RBFOX1: variants seen among roughly 807,000 people sequenced by gnomAD.
RBFOX1 encodes RNA binding protein fox-1 homolog 1.
Under a neutral mutation model 57.7 loss-of-function variants are expected in RBFOX1, and 8 were observed. The ratio of observed to expected loss-of-function variants is 0.14; its 90% CI spans 0.08 to 0.25. The LOEUF is 0.25. RBFOX1 is among the 10% of genes least tolerant of loss of function. The probability of loss-of-function intolerance (pLI) is 1.00; values close to 1 mark genes in which losing one functional copy is unlikely to be tolerated. For missense variants in RBFOX1, 611 were observed against 548.5 expected (o/e 1.11, Z -1.14); for synonymous variants, 326 against 222.4 (o/e 1.47, Z -4.15).
rs1244594805 is a variant in RBFOX1 at position 6,281,311 on chromosome 16, G to A, written c.-126-35684G>A. ...GCACTGTTATTGATCCCATTTTTCA[G>A]AGGAGGAAGATGCATCTCAGAGAGA... On this transcript the variant is annotated intron_variant, in intron 1 of 15. Coordinates refer to ENST00000550418, the MANE Select transcript of RBFOX1 (RefSeq NM_018723.4). 2.0e-5 allele frequency among the ~76,000 whole-genome samples: 3 copies of A among 152,112 alleles called. No individual in the cohort carries two copies. In the East Asian group the frequency reaches 5.8e-4, roughly 29 times the overall value.
At chr16:7,282,159 G>A (rs897354541) in intron 4 of RBFOX1, among the ~76,000 whole-genome samples, 3 of 152,116 alleles carry the variant, frequency 2.0e-5, no homozygotes, top group Non-Finnish European at 4.4e-5. Flanking sequence ...CACTGTACCT[G>A]GCCGACTAAA....
At chr16:5,796,434 C>G (rs186845266) in intron 3 of RBFOX1, among the ~76,000 whole-genome samples, 19 of 152,252 alleles carry the variant, frequency 1.2e-4, no homozygotes, top group Admixed American at 4.6e-4. Flanking sequence ...TCAGTGGCCT[C>G]AAAAGCATCA....
chr16:7,194,542 C>G (rs534255082), intron 4 of RBFOX1, among the ~76,000 whole-genome samples: 7 of 152,256 alleles, frequency 4.6e-5, no homozygotes, highest in Admixed American at 2.6e-4. Context: ...AACAGATACT[C>G]ATTACTAAAA....
At chr16:7,605,811 T>A (rs542069842) in intron 9 of RBFOX1, among the ~76,000 whole-genome samples, 118 of 152,198 alleles carry the variant, frequency 7.8e-4, no homozygotes, top group Non-Finnish European at 1.3e-3. Context: ...AGCAAAGGAC[T>A]ACACACCTTA....
intron 3 of RBFOX1, among the ~76,000 whole-genome samples, chr16:6,786,765 A>G (rs1018704109): frequency 1.8e-4 from 28 of 152,134 alleles, no homozygotes; most frequent in African/African-American, 6.8e-4. Flanking sequence ...ATACTTAAAG[A>G]AACTCCACCC....
chr16:5,728,342 T>C (rs973180213), intron 3 of RBFOX1, among the ~76,000 whole-genome samples: 1 of 152,202 alleles, frequency 6.6e-6, no homozygotes, highest in Non-Finnish European at 1.5e-5. Flanking sequence ...ATCCCTATTG[T>C]CAAAAGCTCT....
At chr16:7,357,240 A>G (rs185876704) in intron 4 of RBFOX1, among the ~76,000 whole-genome samples, 13 of 152,006 alleles carry the variant, frequency 8.6e-5, no homozygotes, top group African/African-American at 3.1e-4. Flanking sequence ...AATGGAAAAA[A>G]AAAAAAAAAT....
intron 3 of RBFOX1, among the ~76,000 whole-genome samples, chr16:6,866,636 G>A (rs1278239146): frequency 1.5e-5 from 2 of 137,826 alleles, no homozygotes; most frequent in African/African-American, 2.8e-5. Flanking sequence ...CCGCCTCCCC[G>A]GTTCACGCCA....
At chr16:7,279,721 CGCCCTGGTGTT>C (rs1442431142) in intron 4 of RBFOX1, among the ~76,000 whole-genome samples, 1 of 152,206 alleles carries the variant, frequency 6.6e-6, no homozygotes, top group Non-Finnish European at 1.5e-5. Flanking sequence ...GACGTAAGCT[CGCCCTGGTGTT>C]GCCTGACCTG....
chr16:6,317,293 T>G (rs1304409734), intron 2 of RBFOX1, among the ~76,000 whole-genome samples: 1 of 152,166 alleles, frequency 6.6e-6, no homozygotes, highest in African/African-American at 2.4e-5. Context: ...AGGTTATCAA[T>G]GAGTTAACTG....
chr16:6,861,522 A>C (rs960195850), intron 3 of RBFOX1, among the ~76,000 whole-genome samples: 11 of 130,754 alleles, frequency 8.4e-5, no homozygotes, highest in Admixed American at 1.9e-4. Flanking sequence ...TAATTGCTTC[A>C]ACTCTCAATG....
intron 2 of RBFOX1, among the ~76,000 whole-genome samples, chr16:6,358,665 C>G (rs1304902974): frequency 6.6e-6 from 1 of 152,128 alleles, no homozygotes. Flanking sequence ...TTTCACTTAC[C>G]CTAATGTCAG....
intron 3 of RBFOX1, among the ~76,000 whole-genome samples, chr16:7,024,857 C>G (rs1388863180): frequency 1.3e-5 from 2 of 152,154 alleles, no homozygotes; most frequent in Non-Finnish European, 2.9e-5. Context: ...TGTCACGTGG[C>G]TCACAGAAAA....
chr16:6,942,751 C>A (rs570097570), intron 3 of RBFOX1, among the ~76,000 whole-genome samples: 73 of 152,238 alleles, frequency 4.8e-4, no homozygotes, highest in Non-Finnish European at 8.4e-4. Context: ...GAGACAGACT[C>A]ACAAGCAGGT....
intron 5 of RBFOX1, among the ~76,000 whole-genome samples, chr16:7,531,637 G>C (rs1024451340): frequency 6.6e-6 from 1 of 152,132 alleles, no homozygotes; most frequent in Non-Finnish European, 1.5e-5. Flanking sequence ...TCAAGAAATA[G>C]GTGTGATCAT....
chr16:6,784,235 A>G (rs188533596), intron 3 of RBFOX1, among the ~76,000 whole-genome samples: 333 of 152,106 alleles, frequency 2.2e-3, no homozygotes, highest in Middle Eastern at 6.8e-3. Flanking sequence ...TTCTTCTTCA[A>G]GGCCAGTGAC....
intron 3 of RBFOX1, among the ~76,000 whole-genome samples, chr16:5,785,112 A>C (rs1192728679): frequency 2.6e-5 from 4 of 152,094 alleles, no homozygotes; most frequent in East Asian, 3.9e-4. Context: ...TTTACCTTCC[A>C]CGGATTTATT....
intron 2 of RBFOX1, among the ~76,000 whole-genome samples, chr16:5,555,560 C>G (rs914963661): frequency 6.6e-6 from 1 of 151,630 alleles, no homozygotes; most frequent in African/African-American, 2.4e-5. Context: ...CTTGCAATTA[C>G]TTTTAATGGC....
At chr16:7,710,015 G>C (rs2083704553) in intron 15 of RBFOX1, 6 of 1,008,320 alleles carry the variant, frequency 6.0e-6, no homozygotes, top group Non-Finnish European at 5.9e-6. Flanking sequence ...CCACCTTGTA[G>C]CCATTAAAAC....
Sources: gnomAD v4.1 joint callset for allele counts (sites outside exome capture counted in the v4.1 genomes callset) on GRCh38, gnomAD v4.1.1 for gene constraint, MANE v1.5 for transcripts, NCBI Gene and HGNC (gene_info 2026-07-23, HGNC 2026-07-21) for gene names.